CEP70: variants seen among roughly 807,000 people sequenced by gnomAD.
CEP70 encodes the protein centrosomal protein of 70 kDa.
In CEP70, 70 loss-of-function variants were observed where a neutral mutation model predicts 90.9. That is an observed-to-expected ratio of 0.77 (90% CI 0.64 to 0.94). The LOEUF (loss-of-function observed/expected upper bound fraction) is 0.94, where lower values mean the gene tolerates loss of function less well. Among genes scored for constraint, CEP70 ranks in the 40% least tolerant of loss-of-function variants. The pLI, the probability that CEP70 is intolerant of heterozygous loss-of-function variation, is 0.00. For missense variants in CEP70, 648 were observed against 669.0 expected, an observed-to-expected ratio of 0.97 and a Z score of 0.35; for synonymous variants, 220 against 228.3, an observed-to-expected ratio of 0.96 and a Z score of 0.33.
chr3:138,495,172 C>T, intron 17 of CEP70, 96 bp from the exon 18 acceptor site: 1 of 682,668 alleles, frequency 1.5e-6, no homozygotes, highest in Non-Finnish European at 2.6e-6. Context: ...AAACCCCAAA[C>T]ATAAAGGCAA....
At chr3:138,550,394 G>A (rs376361873) in intron 6 of CEP70, among the ~76,000 whole-genome samples, 17 of 152,216 alleles carry the variant, frequency 1.1e-4, no homozygotes, top group African/African-American at 3.4e-4. Flanking sequence ...ACGGAGTTTC[G>A]CTCTTGTCAC....
At chr3:138,589,282 T>C (rs1343833884) in intron 2 of CEP70, among the ~76,000 whole-genome samples, 1 of 151,958 alleles carries the variant, frequency 6.6e-6, no homozygotes, top group Non-Finnish European at 1.5e-5. Flanking sequence ...GGAAAGAAAA[T>C]ATGAAGTACC....
chr3:138,495,454 C>T (rs1027456284), intron 17 of CEP70, among the ~76,000 whole-genome samples: 3 of 152,186 alleles, frequency 2.0e-5, no homozygotes, highest in Non-Finnish European at 4.4e-5. Context: ...GCGTCTCCTC[C>T]CTAGGTCTCC....
At chr3:138,533,402 T>C (rs1357242386) in intron 7 of CEP70, among the ~76,000 whole-genome samples, 1 of 152,226 alleles carries the variant, frequency 6.6e-6, no homozygotes, top group African/African-American at 2.4e-5. Flanking sequence ...ATCAAATGTA[T>C]ATTTTTTACT....
At chr3:138,579,119 TACCA>T (rs2041711544) in intron 2 of CEP70, among the ~76,000 whole-genome samples, 1 of 152,170 alleles carries the variant, frequency 6.6e-6, no homozygotes, top group Non-Finnish European at 1.5e-5. Context: ...TGAAAGGCAG[TACCA>T]ACAACACCAG....
intron 6 of CEP70, among the ~76,000 whole-genome samples, chr3:138,547,139 A>T (rs2039272166): frequency 6.6e-6 from 1 of 152,240 alleles, no homozygotes; most frequent in Non-Finnish European, 1.5e-5. Context: ...CCTAGAAGCC[A>T]GGGAGGACCT....
intron 6 of CEP70, among the ~76,000 whole-genome samples, chr3:138,550,641 GCATGAGCCACCATGCCTGGCCAATTGCAT>G (rs1269072007): frequency 2.6e-5 from 4 of 152,194 alleles, no homozygotes; most frequent in African/African-American, 9.6e-5. Flanking sequence ...GGGATTACAG[GCATGAGCCACCATGCCTGGCCAATTGCAT>G]AAATTAAAAA....
chr3:138,584,461 C>CAAAAAAAAAAAAAAAA (rs35985463), intron 2 of CEP70, among the ~76,000 whole-genome samples: 1 of 92,132 alleles, frequency 1.1e-5, no homozygotes, highest in Admixed American at 1.1e-4. Context: ...AAAGACATAT[C>CAAAAAAAAAAAAAAAA]AAAAAAAAAA....
At chr3:138,588,269 T>C (rs190843952) in intron 2 of CEP70, among the ~76,000 whole-genome samples, 3 of 152,272 alleles carry the variant, frequency 2.0e-5, no homozygotes, top group Non-Finnish European at 4.4e-5. Flanking sequence ...GTCTGCTCTT[T>C]AAAATATAAC....
At chr3:138,564,560 T>A (rs1276667477) in intron 6 of CEP70, among the ~76,000 whole-genome samples, 1 of 152,170 alleles carries the variant, frequency 6.6e-6, no homozygotes, top group Non-Finnish European at 1.5e-5. Context: ...AATCAATAAA[T>A]GTAATCCATC....
chr3:138,521,880 T>C (rs2036690461), intron 11 of CEP70, among the ~76,000 whole-genome samples: 1 of 152,206 alleles, frequency 6.6e-6, no homozygotes. Flanking sequence ...AAGATCAGAT[T>C]GTTACTGTGT....
intron 2 of CEP70, among the ~76,000 whole-genome samples, chr3:138,576,230 A>G (rs1369941859): frequency 6.6e-6 from 1 of 152,208 alleles, no homozygotes; most frequent in Non-Finnish European, 1.5e-5. Flanking sequence ...AGACACACAT[A>G]GGCTCAAAAT....
At chr3:138,497,397 A>G (rs377764900) in intron 17 of CEP70, 1 of 1,167,998 alleles carries the variant, frequency 8.6e-7, no homozygotes, top group African/African-American at 1.6e-5. Flanking sequence ...ACATCACTTT[A>G]AAACTTTAAA....
chr3:138,566,125 G>C (rs1488903645), intron 6 of CEP70, among the ~76,000 whole-genome samples: 1 of 152,186 alleles, frequency 6.6e-6, no homozygotes, highest in Non-Finnish European at 1.5e-5. Context: ...ATCACAATGA[G>C]ATACCATCTC....
At chr3:138,523,973 T>C (rs2036950950) in intron 11 of CEP70, among the ~76,000 whole-genome samples, 1 of 147,668 alleles carries the variant, frequency 6.8e-6, no homozygotes, top group Admixed American at 6.7e-5. Context: ...GACTTCAAAC[T>C]ATACTACAAG....
In CEP70 at chr3:138,508,684, T is replaced by C. The variant is rs903489836; in HGVS notation, c.945-140A>G. The C allele has an allele frequency of 1.3e-5, 8 of 622,716 alleles. No homozygotes were observed. In the Admixed American group the frequency reaches 1.9e-4, roughly 15 times the overall value. The allele number at this position is 622,716 out of a possible 1,614,324, so 38.6% of individuals were successfully genotyped here. ...TTATATGTGTGTGTGCACACATGTATGTATGTGTATGTATAAACACATACA... is the reference window on the plus strand; with the variant it reads ...TTATATGTGTGTGTGCACACATGTACGTATGTGTATGTATAAACACATACA... On this transcript the variant is annotated intron_variant, in intron 11 of 17. Transcript: ENST00000264982.
intron 11 of CEP70, among the ~76,000 whole-genome samples, chr3:138,524,477 C>A (rs1392596550): frequency 1.3e-5 from 2 of 152,114 alleles, no homozygotes. Flanking sequence ...GAACAGGCGA[C>A]CTACAGAATG....
rs533473527 is a variant in CEP70 at position 138,497,120 on chromosome 3, T to C, written c.1732+911A>G. 7.8e-5 allele frequency: 83 copies of C among 1,059,772 alleles called. No individual in the cohort carries two copies. In the South Asian group the frequency reaches 1.2e-3, roughly 15 times the overall value. The allele number at this position is 1,059,772 out of a possible 1,614,324, so 65.6% of individuals were successfully genotyped here. A position where few individuals can be genotyped will look rare whatever the true frequency, so the allele number is the denominator to read the frequency against. Reference sequence around the variant, plus strand: ...TCACTTGCTGTGATCTTTTTAAACATGAGGACAAGCCTAAAGCAAGCTCAC... The same window carrying C: ...TCACTTGCTGTGATCTTTTTAAACACGAGGACAAGCCTAAAGCAAGCTCAC... On this transcript the variant is annotated intron_variant, in intron 17 of 17. Coordinates refer to ENST00000264982, the MANE Select transcript of CEP70 (RefSeq NM_024491.4).
intron 2 of CEP70, among the ~76,000 whole-genome samples, chr3:138,573,207 C>T (rs113459828): frequency 4.4e-4 from 67 of 152,152 alleles, no homozygotes; most frequent in African/African-American, 1.6e-3. Context: ...CACACATACA[C>T]TCTGTCCTGT....
Sources: allele counts gnomAD v4.1 joint callset (sites outside exome capture counted in the v4.1 genomes callset), GRCh38; gene constraint gnomAD v4.1.1; transcripts MANE v1.5; gene names NCBI Gene and HGNC (gene_info 2026-07-23, HGNC 2026-07-21).